Variants in MARCHF5 observed in about 807,000 individuals in gnomAD.
MARCHF5 encodes the protein E3 ubiquitin-protein ligase MARCHF5.
Under a neutral mutation model 36.5 loss-of-function variants are expected in MARCHF5, and 5 were observed. The ratio of observed to expected loss-of-function variants is 0.14; its 90% CI spans 0.07 to 0.29. The LOEUF is 0.29. Ranked by LOEUF, MARCHF5 falls within the 10% of genes least tolerant of loss-of-function variation. MARCHF5 has a pLI of 1.00. For missense variants in MARCHF5, 179 were observed against 336.3 expected, an observed-to-expected ratio of 0.53 and a Z score of 3.66; for synonymous variants, 103 against 109.9, an observed-to-expected ratio of 0.94 and a Z score of 0.39.
At chr10:92,345,231 C>T (rs2073489559) in intron 3 of MARCHF5, among the ~76,000 whole-genome samples, 1 of 151,980 alleles carries the variant, frequency 6.6e-6, no homozygotes, top group Admixed American at 6.6e-5. Context: ...AGGATTCTGG[C>T]CAGGTGCTGT....
At chr10:92,316,004 ACTGT>A (rs757796488) in intron 2 of MARCHF5, among the ~76,000 whole-genome samples, 37 of 152,198 alleles carry the variant, frequency 2.4e-4, no homozygotes, top group Non-Finnish European at 3.8e-4. Flanking sequence ...TTTTTCTCAA[ACTGT>A]CTGTAGACCA....
chr10:92,336,044 G>T (rs1012328887), intron 2 of MARCHF5, among the ~76,000 whole-genome samples: 37 of 151,982 alleles, frequency 2.4e-4, no homozygotes, highest in African/African-American at 6.0e-4. Context: ...TGTTTTTTTG[G>T]TTTTTTCTGA....
rs1843064439 is a variant in MARCHF5 at position 92,305,433 on chromosome 10, GA to G, written c.36-5697del. ...AAAAAAAAAAAGAATATTTACAAAG[GA>G]AAAATCAGAAAAAAGGAAGGAAGAA... On this transcript the variant is annotated intron_variant, in intron 1 of 5. Coordinates refer to ENST00000358935, the MANE Select transcript of MARCHF5 (RefSeq NM_017824.5). Among the ~76,000 whole-genome samples, 3 of 152,186 alleles carry G rather than the reference GA, an allele frequency of 2.0e-5. No homozygotes were observed. The South Asian group carries it at 6.2e-4, about 32-fold the overall frequency.
At chr10:92,293,869 A>G (rs911317360) in intron 1 of MARCHF5, among the ~76,000 whole-genome samples, 1 of 152,184 alleles carries the variant, frequency 6.6e-6, no homozygotes, top group Non-Finnish European at 1.5e-5. Flanking sequence ...TGACTATGAC[A>G]CTGGCTTACT....
chr10:92,302,266 T>C (rs1485387766), intron 1 of MARCHF5, among the ~76,000 whole-genome samples: 1 of 152,158 alleles, frequency 6.6e-6, no homozygotes, highest in East Asian at 1.9e-4. Context: ...TTTTTGGTAA[T>C]GTGTCATGAT....
intron 3 of MARCHF5, among the ~76,000 whole-genome samples, chr10:92,348,751 C>T (rs1376147009): frequency 2.6e-5 from 4 of 152,108 alleles, no homozygotes; most frequent in Admixed American, 6.6e-5. Flanking sequence ...AAAACTGGAC[C>T]TCCTACTACA....
chr10:92,332,207 A>G (rs1197107751), intron 2 of MARCHF5, among the ~76,000 whole-genome samples: 2 of 151,880 alleles, frequency 1.3e-5, no homozygotes, highest in African/African-American at 4.8e-5. Flanking sequence ...CATTTCTACA[A>G]TAAAATATAT....
chr10:92,329,972 A>T (rs1843417016), intron 2 of MARCHF5, among the ~76,000 whole-genome samples: 1 of 152,168 alleles, frequency 6.6e-6, no homozygotes, highest in African/African-American at 2.4e-5. Context: ...CCTCCCGAGT[A>T]GCTGGAATTA....
intron 1 of MARCHF5, 72 bp from the exon 2 acceptor site, chr10:92,311,063 T>A: frequency 9.2e-7 from 1 of 1,082,508 alleles, no homozygotes. Context: ...TCCCATTAAG[T>A]AAGAGCTGCA....
chr10:92,334,773 A>G (rs1843483533), intron 2 of MARCHF5, among the ~76,000 whole-genome samples: 1 of 152,186 alleles, frequency 6.6e-6, no homozygotes, highest in South Asian at 2.1e-4. Context: ...TTTAGTAGAC[A>G]TTGACTTACA....
chr10:92,342,046 C>A (rs1843586491), intron 3 of MARCHF5, among the ~76,000 whole-genome samples: 1 of 151,962 alleles, frequency 6.6e-6, no homozygotes, highest in Non-Finnish European at 1.5e-5. Context: ...ACTTCAGCCT[C>A]CCAAAGTGTC....
chr10:92,300,697 C>T lies in MARCHF5; in HGVS notation c.35+9168C>T, dbSNP rs79738120. Among the ~76,000 whole-genome samples the T allele has an allele frequency of 3.6e-3, 543 of 152,242 alleles. 1 individual carries two copies. Among genetic ancestry groups the T allele is most frequent in the Non-Finnish European group, 6.0e-3 (410 of 68,008 alleles). ...TTTGCCCAAGCCAAACTGGCTTGCGCACTTTCTTCCAAACATAAGGTGGTT... is the reference window on the plus strand; with the variant it reads ...TTTGCCCAAGCCAAACTGGCTTGCGTACTTTCTTCCAAACATAAGGTGGTT... On this transcript the variant is annotated intron_variant, in intron 1 of 5. Coordinates refer to ENST00000358935, the MANE Select transcript of MARCHF5 (RefSeq NM_017824.5).
chr10:92,341,549 T>G (rs1207815531), intron 3 of MARCHF5, among the ~76,000 whole-genome samples: 2 of 152,206 alleles, frequency 1.3e-5, no homozygotes, highest in Non-Finnish European at 2.9e-5. Flanking sequence ...CCGTTGACTC[T>G]TCTTTTTATA....
At chr10:92,341,487 G>C (rs1359122410) in intron 3 of MARCHF5, among the ~76,000 whole-genome samples, 1 of 152,006 alleles carries the variant, frequency 6.6e-6, no homozygotes, top group East Asian at 1.9e-4. Context: ...GCTACAATCA[G>C]TAACTGCTGC....
chr10:92,314,396 C>CA (rs1381270597), intron 2 of MARCHF5, among the ~76,000 whole-genome samples: 1 of 152,174 alleles, frequency 6.6e-6, no homozygotes, highest in African/African-American at 2.4e-5. Context: ...GTAATCCCAA[C>CA]ACTGGGAGGC....
At chr10:92,335,603 A>G (rs867276404) in intron 2 of MARCHF5, among the ~76,000 whole-genome samples, 14 of 152,218 alleles carry the variant, frequency 9.2e-5, no homozygotes, top group Admixed American at 6.5e-5. Context: ...TATAAAATGC[A>G]ACCTTTGCCT....
intron 1 of MARCHF5, among the ~76,000 whole-genome samples, chr10:92,304,434 A>C (rs1291096969): frequency 2.0e-5 from 3 of 152,206 alleles, no homozygotes; most frequent in Non-Finnish European, 2.9e-5. Context: ...CCTTCTCAGA[A>C]TGTTTTTGAA....
chr10:92,305,137 G>A (rs1268609816), intron 1 of MARCHF5, among the ~76,000 whole-genome samples: 1 of 152,090 alleles, frequency 6.6e-6, no homozygotes, highest in Non-Finnish European at 1.5e-5. Flanking sequence ...GGCCAGGCAC[G>A]ATGGCTCACA....
At chr10:92,320,661 TATAAA>T (rs143137856) in intron 2 of MARCHF5, among the ~76,000 whole-genome samples, 30,412 of 151,842 alleles carry the variant, frequency 0.2, 3,912 homozygotes, top group East Asian at 0.38. Context: ...GAAAAAAGCT[TATAAA>T]ATAAGGATAA....
Sources: allele counts gnomAD v4.1 joint callset (sites outside exome capture counted in the v4.1 genomes callset), GRCh38; gene constraint gnomAD v4.1.1; transcripts MANE v1.5; gene names NCBI Gene and HGNC (gene_info 2026-07-23, HGNC 2026-07-21).